Variants in RANBP2 observed in about 807,000 individuals in gnomAD.
RANBP2 encodes E3 SUMO-protein ligase RanBP2.
RANBP2 carries 57 observed loss-of-function variants against 303.6 expected under a neutral mutation model. That is an observed-to-expected ratio of 0.19 (90% CI 0.15 to 0.23). The LOEUF is 0.23. Ranked by LOEUF, RANBP2 falls within the 10% of genes least tolerant of loss-of-function variation. The pLI, the probability that RANBP2 is intolerant of heterozygous loss-of-function variation, is 1.00. For missense variants in RANBP2, 3,138 were observed against 3,780.8 expected (o/e 0.83, Z 4.46); for synonymous variants, 1,167 against 1,301.5 (o/e 0.90, Z 2.23).
chr2:109,695,657 A>G, the RANBP2 span, among the ~76,000 whole-genome samples: 2 of 152,168 alleles, frequency 1.3e-5, no homozygotes, highest in African/African-American at 2.4e-5. Flanking sequence ...TTCAGCTATC[A>G]AATCTTTGCT....
the RANBP2 span, among the ~76,000 whole-genome samples, chr2:108,838,894 A>G: frequency 1.3e-5 from 2 of 152,146 alleles, no homozygotes; most frequent in African/African-American, 4.8e-5. Flanking sequence ...ATGGTTACAT[A>G]TATACTATAA....
the RANBP2 span, among the ~76,000 whole-genome samples, chr2:109,282,299 C>T: frequency 2.3e-5 from 3 of 129,310 alleles, no homozygotes; most frequent in Non-Finnish European, 5.2e-5. Context: ...TTTAGTCTAA[C>T]GTGTTCATAA....
chr2:109,092,491 C>G, the RANBP2 span, among the ~76,000 whole-genome samples: 1 of 152,148 alleles, frequency 6.6e-6, no homozygotes, highest in African/African-American at 2.4e-5. Flanking sequence ...TCCCATGCAG[C>G]CCATTGGTCA....
chr2:108,931,490 C>A, the RANBP2 span, among the ~76,000 whole-genome samples: 1 of 152,180 alleles, frequency 6.6e-6, no homozygotes, highest in African/African-American at 2.4e-5. Context: ...GCTTAGTGTT[C>A]TTCCCTCTCT....
the RANBP2 span, among the ~76,000 whole-genome samples, chr2:109,037,456 C>T: frequency 6.6e-6 from 1 of 151,688 alleles, no homozygotes; most frequent in Non-Finnish European, 1.5e-5. Context: ...AAATTCTGAC[C>T]ACTGAAATAA....
At chr2:109,134,071 T>G in the RANBP2 span, among the ~76,000 whole-genome samples, 12 of 152,188 alleles carry the variant, frequency 7.9e-5, no homozygotes, top group Non-Finnish European at 1.6e-4. Context: ...ATACCCGAGA[T>G]TTTCTGTTGA....
the RANBP2 span, among the ~76,000 whole-genome samples, chr2:109,008,707 C>T: frequency 1.3e-5 from 2 of 151,348 alleles, no homozygotes; most frequent in South Asian, 4.2e-4. Context: ...TCGAGACCAT[C>T]CTGGCTAACA....
chr2:108,812,964 T>C, the RANBP2 span: 5 of 1,596,310 alleles, frequency 3.1e-6, no homozygotes, highest in African/African-American at 6.7e-5. Context: ...ATTGAAAATT[T>C]CTCGGCTGGG....
At chr2:109,709,293 C>T in the RANBP2 span, among the ~76,000 whole-genome samples, 81 of 113,186 alleles carry the variant, frequency 7.2e-4, no homozygotes, top group African/African-American at 2.1e-3. Context: ...GCAACAAGAG[C>T]GAAACTGTGT....
chr2:108,859,945 T>TTTTC, the RANBP2 span, among the ~76,000 whole-genome samples: 2 of 152,168 alleles, frequency 1.3e-5, no homozygotes, highest in East Asian at 3.8e-4. Context: ...CATGGAATGT[T>TTTTC]TTTCCATCTG....
the RANBP2 span, among the ~76,000 whole-genome samples, chr2:108,889,480 A>G: frequency 2.0e-5 from 3 of 152,162 alleles, no homozygotes; most frequent in Admixed American, 6.5e-5. Context: ...TATTCTAGAC[A>G]TATATATTTA....
chr2:109,606,672 C>CTTTTTTTTTTTTTTT, the RANBP2 span, among the ~76,000 whole-genome samples: 2 of 71,896 alleles, frequency 2.8e-5, no homozygotes, highest in African/African-American at 5.5e-5. Flanking sequence ...AAATTTTAAG[C>CTTTTTTTTTTTTTTT]TTTTTTTTTT....
the RANBP2 span, among the ~76,000 whole-genome samples, chr2:108,800,670 A>T: frequency 1.9e-5 from 2 of 104,022 alleles, 1 homozygote; most frequent in African/African-American, 8.1e-5. Flanking sequence ...GTACATGTGC[A>T]CATTGTGCAG....
the RANBP2 span, among the ~76,000 whole-genome samples, chr2:109,566,114 TTTA>T: frequency 4.4e-4 from 67 of 151,834 alleles, no homozygotes; most frequent in African/African-American, 1.6e-3. Context: ...ACAAAAAAAA[TTTA>T]TTTATTTATT....
At chr2:109,309,375 C>T in the RANBP2 span, among the ~76,000 whole-genome samples, 39,209 of 140,066 alleles carry the variant, frequency 0.28, 7,091 homozygotes, top group African/African-American at 0.51. Context: ...AAGGAACAAC[C>T]GGTACCAGCT....
the RANBP2 span, among the ~76,000 whole-genome samples, chr2:109,692,596 G>C: frequency 1.3e-5 from 2 of 152,146 alleles, no homozygotes; most frequent in African/African-American, 4.8e-5. Context: ...CCGAGGCCGT[G>C]TGGGAGAAAG....
chr2:108,786,763 G>T (rs1036252266), downstream of RANBP2: 1 of 1,474,372 alleles, frequency 6.8e-7, no homozygotes, highest in Non-Finnish European at 9.3e-7. Flanking sequence ...CTGCGGCCGC[G>T]TAGCGCCGCG....
chr2:109,432,433 G>A, the RANBP2 span: 1 of 1,579,924 alleles, frequency 6.3e-7, no homozygotes, highest in African/African-American at 1.4e-5. Context: ...CCTCCCCCCA[G>A]GAATGCCGGC....
intron 7 of RANBP2, among the ~76,000 whole-genome samples, chr2:108,745,974 A>G (rs1182286731): frequency 1.3e-5 from 2 of 149,800 alleles, no homozygotes; most frequent in Non-Finnish European, 3.0e-5. Context: ...TGGCATGATC[A>G]TGGCTCACTG....
Sources: gnomAD v4.1 joint callset for allele counts (sites outside exome capture counted in the v4.1 genomes callset) on GRCh38, gnomAD v4.1.1 for gene constraint, MANE v1.5 for transcripts, NCBI Gene and HGNC (gene_info 2026-07-23, HGNC 2026-07-21) for gene names.